The following SCAPER variants were observed in gnomAD, a reference collection of about 807,000 sequenced individuals.
The protein encoded by SCAPER is S-phase cyclin A associated protein in the ER, also known as S phase cyclin A-associated protein in the endoplasmic reticulum.
Under a neutral mutation model 182.2 loss-of-function variants are expected in SCAPER, and 98 were observed. The observed-to-expected ratio is 0.54, with a 90% CI of 0.46 to 0.64. SCAPER has a LOEUF of 0.64. SCAPER is among the 30% of genes least tolerant of loss of function. The pLI is 0.00. For missense variants in SCAPER, 1,432 were observed against 1,690.0 expected, an observed-to-expected ratio of 0.85 and a Z score of 2.68; for synonymous variants, 605 against 564.6, an observed-to-expected ratio of 1.07 and a Z score of -1.01.
chr15:76,574,994 A>G (rs1483113737), intron 22 of SCAPER, among the ~76,000 whole-genome samples: 1 of 152,086 alleles, frequency 6.6e-6, no homozygotes, highest in Non-Finnish European at 1.5e-5. Context: ...CCGTTGCCTT[A>G]AATTTTTATC....
At chr15:76,494,723 T>G (rs1337068168) in intron 24 of SCAPER, among the ~76,000 whole-genome samples, 1 of 152,110 alleles carries the variant, frequency 6.6e-6, no homozygotes, top group East Asian at 1.9e-4. Flanking sequence ...ATTGTTTTGT[T>G]GTGTAGTATA....
At chr15:76,829,642 T>A (rs1293817142) in intron 5 of SCAPER, among the ~76,000 whole-genome samples, 11 of 152,112 alleles carry the variant, frequency 7.2e-5, no homozygotes, top group Admixed American at 7.2e-4. Flanking sequence ...AGCGCAAGAT[T>A]AATCCATATA....
chr15:76,388,698 C>T (rs962251601), intron 27 of SCAPER, among the ~76,000 whole-genome samples: 5 of 152,128 alleles, frequency 3.3e-5, no homozygotes, highest in Non-Finnish European at 7.4e-5. Flanking sequence ...TGGTGGCTCA[C>T]GTCTGTAATC....
intron 5 of SCAPER, among the ~76,000 whole-genome samples, chr15:76,816,452 T>A (rs1428456927): frequency 6.6e-6 from 1 of 152,074 alleles, no homozygotes; most frequent in South Asian, 2.1e-4. Context: ...CACCTCCACA[T>A]ATTGTCCCAC....
At chr15:76,671,737 T>C (rs566604208) in intron 20 of SCAPER, among the ~76,000 whole-genome samples, 139 of 151,156 alleles carry the variant, frequency 9.2e-4, no homozygotes, top group Non-Finnish European at 1.6e-3. Flanking sequence ...ACCACTGCAC[T>C]CCAGCCTGGG....
chr15:76,792,378 T>C (rs1330458379), intron 8 of SCAPER, among the ~76,000 whole-genome samples: 1 of 152,156 alleles, frequency 6.6e-6, no homozygotes, highest in Non-Finnish European at 1.5e-5. Flanking sequence ...AGACTGGCAA[T>C]CTAAAGTTAG....
chr15:76,360,664 A>C, intron 29 of SCAPER, among the ~76,000 whole-genome samples: 1 of 152,194 alleles, frequency 6.6e-6, no homozygotes, highest in South Asian at 2.1e-4. Context: ...CAACTGACAT[A>C]GATTAAACTA....
intron 30 of SCAPER, among the ~76,000 whole-genome samples, chr15:76,353,709 C>T (rs966675316): frequency 6.6e-6 from 1 of 152,194 alleles, no homozygotes; most frequent in Admixed American, 6.5e-5. Context: ...ATTTCATTAA[C>T]TAGAAAAGTA....
chr15:76,862,567 T>C, intron 2 of SCAPER, 34 bp from the exon 3 acceptor site: 2 of 1,298,486 alleles, frequency 1.5e-6, no homozygotes, highest in Non-Finnish European at 2.2e-6. Flanking sequence ...TATTAGATTA[T>C]TAGATAAGTC....
At chr15:76,625,722 T>G (rs1421652411) in intron 21 of SCAPER, among the ~76,000 whole-genome samples, 1 of 152,110 alleles carries the variant, frequency 6.6e-6, no homozygotes, top group African/African-American at 2.4e-5. Context: ...CCAAGTAGCT[T>G]CTTATGTTAG....
intron 4 of SCAPER, among the ~76,000 whole-genome samples, chr15:76,857,157 A>G (rs2063542): frequency 0.15 from 23,403 of 152,092 alleles, 2,036 homozygotes; most frequent in African/African-American, 0.24. Context: ...TGAGGGCTGA[A>G]TGTGGTGGTT....
chr15:76,585,573 A>G (rs1216827916), intron 22 of SCAPER, among the ~76,000 whole-genome samples: 2 of 152,208 alleles, frequency 1.3e-5, no homozygotes, highest in Admixed American at 1.3e-4. Flanking sequence ...GAATGCTGAC[A>G]TTTGACTGAA....
chr15:76,547,189 T>C (rs370845250), intron 23 of SCAPER, among the ~76,000 whole-genome samples: 2 of 152,190 alleles, frequency 1.3e-5, no homozygotes, highest in South Asian at 2.1e-4. Context: ...TTTCCCCATA[T>C]GCTTTCCCAT....
rs12916869 is a variant in SCAPER at position 76,820,145 on chromosome 15, G to T, written c.394-15512C>A. 2.5e-3 allele frequency among the ~76,000 whole-genome samples: 372 copies of T among 151,800 alleles called. 2 individuals carry two copies. Among genetic ancestry groups the T allele is most frequent in the African/African-American group, 5.7e-3 (235 of 41,396 alleles). Reference sequence around the variant, plus strand: ...AACACTTTTACACTGTTGGTGGGACGGTAAACTAGTTCAACCATTGTGGAA... The same window carrying T: ...AACACTTTTACACTGTTGGTGGGACTGTAAACTAGTTCAACCATTGTGGAA... On this transcript the variant is annotated intron_variant, in intron 5 of 31. Coordinates refer to ENST00000563290, the MANE Select transcript of SCAPER (RefSeq NM_020843.4).
At chr15:76,378,851 G>C (rs1255004461) in intron 28 of SCAPER, among the ~76,000 whole-genome samples, 1 of 152,190 alleles carries the variant, frequency 6.6e-6, no homozygotes, top group African/African-American at 2.4e-5. Flanking sequence ...AGAAGCAGTA[G>C]TAGATGCTCT....
chr15:76,785,983 A>G (rs957616808), intron 8 of SCAPER, among the ~76,000 whole-genome samples: 1 of 152,060 alleles, frequency 6.6e-6, no homozygotes, highest in Non-Finnish European at 1.5e-5. Context: ...TGTGTAACAA[A>G]CCTGCATGTT....
At chr15:76,500,739 C>G (rs1178592047) in intron 24 of SCAPER, among the ~76,000 whole-genome samples, 1 of 152,042 alleles carries the variant, frequency 6.6e-6, no homozygotes, top group African/African-American at 2.4e-5. Context: ...TTTAAAAAGG[C>G]TAGAAGATGT....
intron 23 of SCAPER, among the ~76,000 whole-genome samples, chr15:76,519,103 T>A (rs2042657373): frequency 1.3e-5 from 2 of 152,224 alleles, no homozygotes; most frequent in African/African-American, 4.8e-5. Flanking sequence ...GACCATTAAA[T>A]AATTTTATGA....
At chr15:76,350,219 T>A (rs532948501) in intron 31 of SCAPER, 2 of 152,330 alleles carry the variant, frequency 1.3e-5, no homozygotes, top group African/African-American at 4.8e-5. Context: ...GGACTTGAAT[T>A]TCTGAAAAGT....
Sources: gnomAD v4.1 joint callset for allele counts (sites outside exome capture counted in the v4.1 genomes callset) on GRCh38, gnomAD v4.1.1 for gene constraint, MANE v1.5 for transcripts, NCBI Gene and HGNC (gene_info 2026-07-23, HGNC 2026-07-21) for gene names.